PRICKLE2: variants seen among roughly 807,000 people sequenced by gnomAD.
The protein encoded by PRICKLE2 is prickle planar cell polarity protein 2, also known as prickle-like protein 2.
PRICKLE2 carries 21 observed loss-of-function variants against 81.4 expected under a neutral mutation model. The observed-to-expected ratio is 0.26, with a 90% CI of 0.18 to 0.37. The LOEUF (loss-of-function observed/expected upper bound fraction) is 0.37. Ranked by LOEUF, PRICKLE2 falls within the 10% of genes least tolerant of loss-of-function variation. The pLI is 1.00. For missense variants in PRICKLE2, 940 were observed against 1,109.0 expected (o/e 0.85, Z 2.16); for synonymous variants, 456 against 421.5 (o/e 1.08, Z -1.00).
At chr3:64,130,548 A>G (rs752886426) in intron 7 of PRICKLE2, among the ~76,000 whole-genome samples, 15 of 152,184 alleles carry the variant, frequency 9.9e-5, no homozygotes, top group Admixed American at 7.2e-4. Flanking sequence ...GTGTGCTCAT[A>G]TATGAGCTCT....
intron 2 of PRICKLE2, among the ~76,000 whole-genome samples, chr3:64,249,966 T>C (rs1438071247): frequency 1.3e-5 from 2 of 152,210 alleles, no homozygotes; most frequent in Non-Finnish European, 2.9e-5. Flanking sequence ...GACAGAAGCT[T>C]AATGACGTGC....
intron 2 of PRICKLE2, among the ~76,000 whole-genome samples, chr3:64,261,520 T>C (rs1030999289): frequency 1.3e-5 from 2 of 152,062 alleles, no homozygotes; most frequent in Non-Finnish European, 2.9e-5. Flanking sequence ...GTTGGTAAGA[T>C]AATGTGGCCA....
intron 2 of PRICKLE2, among the ~76,000 whole-genome samples, chr3:64,173,797 A>G (rs1368151082): frequency 1.3e-5 from 2 of 152,234 alleles, no homozygotes; most frequent in African/African-American, 4.8e-5. Context: ...CAGCTGACAC[A>G]TACTTCAGAA....
intron 7 of PRICKLE2, among the ~76,000 whole-genome samples, chr3:64,139,959 CTGTG>C (rs1202522658): frequency 6.6e-6 from 1 of 152,194 alleles, no homozygotes; most frequent in African/African-American, 2.4e-5. Flanking sequence ...TGGATGGTTA[CTGTG>C]TATCAACTTC....
intron 3 of PRICKLE2, 35 bp from the exon 4 acceptor site, chr3:64,160,112 A>G (rs750069990): frequency 1.2e-6 from 2 of 1,610,012 alleles, no homozygotes; most frequent in Non-Finnish European, 1.7e-6. Flanking sequence ...GGAAAAAGTC[A>G]CCCTTGCTCC....
At chr3:64,211,597 T>C (rs753060759) in intron 1 of PRICKLE2, among the ~76,000 whole-genome samples, 5 of 152,332 alleles carry the variant, frequency 3.3e-5, no homozygotes, top group Admixed American at 6.5e-5. Context: ...AGCACAAATG[T>C]GGCAAAATAT....
chr3:64,153,075 C>T (rs1161130887), intron 6 of PRICKLE2, 107 bp downstream of exon 6: 13 of 1,053,680 alleles, frequency 1.2e-5, no homozygotes, highest in Non-Finnish European at 1.9e-5. Context: ...GTTAAGTTAG[C>T]ATGAGTTGGG....
chr3:64,178,445 T>C (rs577558731), intron 2 of PRICKLE2, among the ~76,000 whole-genome samples: 1 of 152,306 alleles, frequency 6.6e-6, no homozygotes, highest in Admixed American at 6.5e-5. Context: ...AAAAGCTTTT[T>C]TCCTGGATAT....
At chr3:64,177,485 A>G (rs2078047157) in intron 2 of PRICKLE2, among the ~76,000 whole-genome samples, 1 of 152,046 alleles carries the variant, frequency 6.6e-6, no homozygotes, top group South Asian at 2.1e-4. Flanking sequence ...TACATTCACA[A>G]TATCATGCAA....
chr3:64,265,771 C>T (rs1016744577), intron 2 of PRICKLE2, among the ~76,000 whole-genome samples: 9 of 152,160 alleles, frequency 5.9e-5, no homozygotes, highest in Non-Finnish European at 1.2e-4. Flanking sequence ...ACCTTTGCAC[C>T]TCTCATTCCT....
Position 64,147,044 on chromosome 3 carries a change from G to C in PRICKLE2, c.1446C>G (p.Ser482Arg). 1 of 1,614,110 alleles carries C rather than the reference G, an allele frequency of 6.2e-7. No individual in the cohort carries two copies. Residue 482 changes from serine to arginine, a missense_variant, in exon 7 of 8, where the codon AGC becomes AGG. Around this residue, in one of 2 missense-constraint regions of PRICKLE2, gnomAD observed 670 missense variants for 717.2 expected, o/e 0.93. Transcript: ENST00000638394. This position sits in a 1 kb window ranked among gnomAD's most constrained non-coding sequence, Gnocchi z 5.0. ...AACTCTGACTAGACATATCACTGTA[G>C]CTCTCCTGAGATCTCAGCCTCCCCG... Reference protein sequence around the residue: ...YYPGRLRSQESYSDMSSQSFS... With the variant: ...YYPGRLRSQERYSDMSSQSFS...
chr3:64,219,500 T>C (rs368248610), intron 1 of PRICKLE2, among the ~76,000 whole-genome samples: 1 of 152,216 alleles, frequency 6.6e-6, no homozygotes. Flanking sequence ...CTGCAGTTTT[T>C]ACTTCTCATC....
intron 2 of PRICKLE2, among the ~76,000 whole-genome samples, chr3:64,235,482 A>G (rs531356936): frequency 1.3e-5 from 2 of 152,170 alleles, no homozygotes; most frequent in Non-Finnish European, 2.9e-5. Flanking sequence ...GACATTGTAG[A>G]TACTATATTA....
Position 64,093,270 on chromosome 3 carries a change from T to A in PRICKLE2, c.*5781A>T, listed in dbSNP as rs2076527966. The A allele has an allele frequency of 6.6e-6, 1 of 152,534 alleles. No individual in the cohort carries two copies. Among genetic ancestry groups the A allele is most frequent in the Admixed American group, 6.5e-5 (1 of 15,322 alleles). 9.4% of individuals were successfully genotyped at this position (152,534 alleles called of 1,614,324 possible). A position where few individuals can be genotyped will look rare whatever the true frequency, so the allele number is the denominator to read the frequency against. ...CACACCTTGTTTACACATTCATCCA[T>A]CAGTGGACATTTGGGTTGCTCCCAC... On this transcript the variant is annotated 3_prime_UTR_variant, in exon 8 of 8. Transcript: ENST00000638394.
At chr3:64,161,419 AC>A (rs1183102114) in intron 3 of PRICKLE2, among the ~76,000 whole-genome samples, 1 of 152,190 alleles carries the variant, frequency 6.6e-6, no homozygotes, top group Non-Finnish European at 1.5e-5. Flanking sequence ...TGGAACTAGG[AC>A]TGTCACATCC....
intron 2 of PRICKLE2, among the ~76,000 whole-genome samples, chr3:64,180,541 AT>A (rs4018890): frequency 6.0e-5 from 9 of 149,876 alleles, no homozygotes; most frequent in African/African-American, 2.0e-4. Flanking sequence ...TTTGAGAATG[AT>A]TTTTTTTTTT....
At chr3:64,195,008 C>G (rs2078423125) in intron 2 of PRICKLE2, among the ~76,000 whole-genome samples, 2 of 151,982 alleles carry the variant, frequency 1.3e-5, no homozygotes, top group Admixed American at 1.3e-4. Context: ...TACCACTGCC[C>G]TCCAGCCTGG....
intron 7 of PRICKLE2, chr3:64,100,328 A>G: frequency 5.4e-6 from 1 of 186,576 alleles, no homozygotes; most frequent in Non-Finnish European, 1.1e-5. Flanking sequence ...GGATGAGCAA[A>G]CTTTAAGCTC....
In PRICKLE2 at chr3:64,099,516, G is replaced by T; in HGVS notation, c.2070C>A (p.Ser690=). The change falls in exon 8 of 8, where the codon TCC becomes TCA. Residue 690 remains serine, a synonymous_variant. Transcript: ENST00000638394. This position sits in a 1 kb window ranked among gnomAD's most constrained non-coding sequence, Gnocchi z 4.3. ...GGGCGTTGTCGGAGCGAGAGCGTCG[G>T]GAACGCCTGGACCTGTGAGGTCGGA... ...RRFRPHRSRR[S]RRSRSDNALH... 1.9e-6 allele frequency: 3 copies of T among 1,601,906 alleles called. No individual in the cohort carries two copies. Among genetic ancestry groups the T allele is most frequent in the Non-Finnish European group, 2.6e-6 (3 of 1,170,340 alleles).
Sources: gnomAD v4.1 joint callset for allele counts (sites outside exome capture counted in the v4.1 genomes callset) on GRCh38, gnomAD v4.1.1 for gene constraint, gnomAD v4.1.1 regional missense constraint, Gnocchi (gnomAD v3.1) non-coding constraint, MANE v1.5 for transcripts, NCBI Gene and HGNC (gene_info 2026-07-23, HGNC 2026-07-21) for gene names.